Variants in UXS1 observed in about 807,000 individuals in gnomAD.
The protein encoded by UXS1 is UDP-glucuronic acid decarboxylase 1.
A neutral mutation model predicts 62.6 loss-of-function variants in UXS1; 33 were observed. The observed-to-expected ratio is 0.53, with a 90% CI of 0.40 to 0.70. UXS1 has a LOEUF of 0.70. Ranked by LOEUF, UXS1 falls within the 30% of genes least tolerant of loss-of-function variation. The probability of loss-of-function intolerance (pLI) is 0.00; values close to 1 mark genes in which losing one functional copy is unlikely to be tolerated. For synonymous variants in UXS1, 213 were observed against 206.8 expected (o/e 1.03, Z -0.26); for missense variants, 434 against 556.3 (o/e 0.78, Z 2.21).
At chr2:106,154,023 C>T (rs1682239617) in intron 5 of UXS1, among the ~76,000 whole-genome samples, 1 of 152,098 alleles carries the variant, frequency 6.6e-6, no homozygotes, top group Non-Finnish European at 1.5e-5. Context: ...TTATGCAACC[C>T]AAAGATCAGA....
rs542230806 is a variant in UXS1, at chr2:106,164,445, T to C, written c.186+291A>G. 6.6e-5 allele frequency among the ~76,000 whole-genome samples: 10 copies of C among 152,346 alleles called. No individual in the cohort carries two copies. In the East Asian group the frequency reaches 1.9e-3, roughly 29 times the overall value. ...GTGAGAGGATGTTTGTACTCATCTC[T>C]ATCTCCCAAAGGCAATCACTTCCCT... is the stretch of plus-strand genomic sequence containing the variant. On this transcript the variant is annotated intron_variant, in intron 3 of 14. Transcript: ENST00000283148.
intron 10 of UXS1, among the ~76,000 whole-genome samples, chr2:106,110,486 C>T (rs1678497708): frequency 6.6e-6 from 1 of 152,156 alleles, no homozygotes; most frequent in Non-Finnish European, 1.5e-5. Context: ...AGTTTCTGAA[C>T]ACAGTTGCTA....
intron 6 of UXS1, among the ~76,000 whole-genome samples, chr2:106,136,948 G>A (rs1296614011): frequency 4.0e-5 from 4 of 100,980 alleles, no homozygotes; most frequent in African/African-American, 7.3e-5. Flanking sequence ...AAAGAATGGA[G>A]AAGTCAAGAA....
At chr2:106,180,733 A>C (rs976308363) in intron 1 of UXS1, among the ~76,000 whole-genome samples, 5 of 152,192 alleles carry the variant, frequency 3.3e-5, no homozygotes, top group Admixed American at 3.3e-4. Flanking sequence ...AATAGGGAGA[A>C]AGAAATAGAA....
At chr2:106,128,588 C>T (rs11680226) in intron 7 of UXS1, among the ~76,000 whole-genome samples, 33,087 of 152,102 alleles carry the variant, frequency 0.22, 4,110 homozygotes, top group Non-Finnish European at 0.28. Flanking sequence ...CTGCCCTCGG[C>T]TCTCTGGTTC....
intron 1 of UXS1, among the ~76,000 whole-genome samples, chr2:106,168,921 A>C (rs1363500537): frequency 6.6e-6 from 1 of 152,216 alleles, no homozygotes; most frequent in Non-Finnish European, 1.5e-5. Context: ...CAAAATACTG[A>C]GTTTAAATGG....
At chr2:106,165,473 T>C (rs932843164) in intron 2 of UXS1, among the ~76,000 whole-genome samples, 3 of 152,220 alleles carry the variant, frequency 2.0e-5, no homozygotes, top group Admixed American at 6.5e-5. Flanking sequence ...CAGTACCAAA[T>C]GGTTTTTACA....
intron 1 of UXS1, among the ~76,000 whole-genome samples, chr2:106,176,998 G>C (rs887142695): frequency 6.6e-6 from 1 of 152,052 alleles, no homozygotes; most frequent in African/African-American, 2.4e-5. Flanking sequence ...ATATGCCCAG[G>C]GGAAAAAATT....
chr2:106,168,567 C>T (rs565830729), intron 1 of UXS1, among the ~76,000 whole-genome samples: 5 of 152,158 alleles, frequency 3.3e-5, no homozygotes, highest in Non-Finnish European at 7.3e-5. Context: ...GGGTCCGGAT[C>T]GGGACCCCTT....
rs188115756 is a variant in UXS1 at position 106,153,769 on chromosome 2, G to A, written c.291+4289C>T. Among the ~76,000 whole-genome samples, 666 of 152,300 alleles carry A rather than the reference G, an allele frequency of 4.4e-3. 8 individuals are homozygous for A. The highest frequency in any genetic ancestry group is 2.3e-3 in the Non-Finnish European group (156 of 68,030). On this transcript the variant is annotated intron_variant, in intron 5 of 14. Transcript: ENST00000283148. Reference sequence around the variant, plus strand: ...TAACAAAGACACCAAAGCAACCACTGTAAATATTAGGTTGGTGCAAAAGCA... The same window carrying A: ...TAACAAAGACACCAAAGCAACCACTATAAATATTAGGTTGGTGCAAAAGCA...
chr2:106,109,049 G>A (rs1264384138), intron 10 of UXS1, among the ~76,000 whole-genome samples: 1 of 152,030 alleles, frequency 6.6e-6, no homozygotes, highest in African/African-American at 2.4e-5. Flanking sequence ...CTGTTAGGTT[G>A]GTTTAGCTAG....
intron 8 of UXS1, among the ~76,000 whole-genome samples, chr2:106,124,217 G>A (rs895511429): frequency 2.0e-5 from 3 of 152,070 alleles, no homozygotes; most frequent in African/African-American, 7.2e-5. Context: ...CTTTTTCTGG[G>A]GATCTTTAAC....
At chr2:106,126,726 T>C (rs571059492) in intron 7 of UXS1, among the ~76,000 whole-genome samples, 1 of 152,202 alleles carries the variant, frequency 6.6e-6, no homozygotes, top group Non-Finnish European at 1.5e-5. Flanking sequence ...ACCTTATGTA[T>C]CTTTTACCCA....
At chr2:106,177,802 T>G (rs1356423431) in intron 1 of UXS1, among the ~76,000 whole-genome samples, 5 of 152,190 alleles carry the variant, frequency 3.3e-5, no homozygotes, top group Non-Finnish European at 1.5e-5. Context: ...CCACCCTGTC[T>G]GTGGTATTTT....
intron 6 of UXS1, chr2:106,138,058 C>T (rs370299152): frequency 6.2e-4 from 277 of 444,352 alleles, no homozygotes; most frequent in Admixed American, 2.4e-3. Context: ...CTTGAGGTGA[C>T]AAGGTATGCA....
chr2:106,164,670 G>T (rs1338159584), intron 3 of UXS1, 66 bp downstream of exon 3: 4 of 1,248,924 alleles, frequency 3.2e-6, no homozygotes, highest in Non-Finnish European at 4.4e-6. Context: ...ATGACAGCAC[G>T]AGCAAAGGAA....
intron 7 of UXS1, among the ~76,000 whole-genome samples, chr2:106,129,186 T>C (rs148308755): frequency 2.7e-4 from 41 of 152,324 alleles, no homozygotes; most frequent in Non-Finnish European, 5.7e-4. Flanking sequence ...TACTCAGTCT[T>C]GATAACACCC....
At chr2:106,194,042 C>G (rs1473894909) in intron 1 of UXS1, 106 bp downstream of exon 1, 1 of 812,780 alleles carries the variant, frequency 1.2e-6, no homozygotes, top group African/African-American at 1.9e-5. Flanking sequence ...CGGGGAGCAA[C>G]GCGGGGCTGC....
At chr2:106,141,763 T>C (rs984573887) in intron 6 of UXS1, among the ~76,000 whole-genome samples, 16 of 152,174 alleles carry the variant, frequency 1.1e-4, no homozygotes, top group African/African-American at 3.4e-4. Context: ...TTTCCATTTA[T>C]TTTTTAAAAT....
Sources: gnomAD v4.1 joint callset for allele counts (sites outside exome capture counted in the v4.1 genomes callset) on GRCh38, gnomAD v4.1.1 for gene constraint, MANE v1.5 for transcripts, NCBI Gene and HGNC (gene_info 2026-07-23, HGNC 2026-07-21) for gene names.